ATP8A2: variants seen among roughly 807,000 people sequenced by gnomAD.
ATP8A2 encodes the protein ATPase phospholipid transporting 8A2, also known as phospholipid-transporting ATPase IB.
In ATP8A2, 100 loss-of-function variants were observed where a neutral mutation model predicts 165.6. The observed-to-expected ratio is 0.60, with a 90% CI of 0.51 to 0.71. The LOEUF (loss-of-function observed/expected upper bound fraction) is 0.71. Ranked by LOEUF, ATP8A2 falls within the 30% of genes least tolerant of loss-of-function variation. ATP8A2 has a pLI of 0.00. For synonymous variants in ATP8A2, 543 were observed against 548.8 expected (o/e 0.99, Z 0.15); for missense variants, 1,227 against 1,479.5 (o/e 0.83, Z 2.80).
intron 1 of ATP8A2, among the ~76,000 whole-genome samples, chr13:25,441,533 A>G (rs893831345): frequency 1.3e-5 from 2 of 152,166 alleles, no homozygotes; most frequent in Non-Finnish European, 2.9e-5. Context: ...TGGCCTCTCA[A>G]TTCATTCATT....
intron 2 of ATP8A2, among the ~76,000 whole-genome samples, chr13:25,520,446 A>G (rs1566214320): frequency 6.6e-6 from 1 of 152,192 alleles, no homozygotes; most frequent in African/African-American, 2.4e-5. Flanking sequence ...GGTTGATTCT[A>G]TATTTTGGCT....
rs1952326595 is a variant in ATP8A2, at chr13:25,860,796, T to G, written c.3019-8T>G. 3.8e-6 allele frequency: 6 copies of G among 1,588,326 alleles called. No homozygotes were observed. Among genetic ancestry groups the G allele is most frequent in the Non-Finnish European group, 5.2e-6 (6 of 1,163,704 alleles). ...AATGTGTTTCCAAACTGTCTTTTAT[T>G]TTCACAGTATGTTGTTGTTACTGTT... is the stretch of plus-strand genomic sequence containing the variant. On this transcript the variant is annotated splice_polypyrimidine_tract_variant and splice_region_variant and intron_variant, in intron 31 of 36. Coordinates refer to ENST00000381655, the MANE Select transcript of ATP8A2 (RefSeq NM_016529.6).
rs369319355 is a variant in ATP8A2, at chr13:25,434,534, A to AG, written c.77-34441dup. 1.3e-3 allele frequency among the ~76,000 whole-genome samples: 194 copies of AG among 151,828 alleles called. 1 individual carries two copies. Among genetic ancestry groups the AG allele is most frequent in the African/African-American group, 4.5e-3 (187 of 41,378 alleles). On this transcript the variant is annotated intron_variant, in intron 1 of 36. Transcript: ENST00000381655. ...TGGCTAATTTTTGTATTTTTAGTAG[A>AG]GGTAGGGTTTTGCCATGTTGGCCAG...
At chr13:25,476,376 T>G (rs1417106617) in intron 2 of ATP8A2, among the ~76,000 whole-genome samples, 1 of 151,860 alleles carries the variant, frequency 6.6e-6, no homozygotes, top group African/African-American at 2.4e-5. Flanking sequence ...AACCTTTGCC[T>G]CCTGGGTTCA....
chr13:25,742,592 G>A (rs931222672), intron 25 of ATP8A2, among the ~76,000 whole-genome samples: 2 of 148,922 alleles, frequency 1.3e-5, no homozygotes, highest in African/African-American at 4.9e-5. Flanking sequence ...GAGATAAATA[G>A]TATTCAGTCA....
In ATP8A2 at chr13:25,695,344, G is replaced by A. The variant is rs144017041; in HGVS notation, c.2212-3829G>A. On this transcript the variant is annotated intron_variant, in intron 24 of 36. Coordinates refer to ENST00000381655, the MANE Select transcript of ATP8A2 (RefSeq NM_016529.6). ...GGAGGGTCTTGCCATGACATTCATGGCTGCTGGCTGATCAAGGTGGTGGTT... is the reference window on the plus strand; with the variant it reads ...GGAGGGTCTTGCCATGACATTCATGACTGCTGGCTGATCAAGGTGGTGGTT... 1.8e-4 allele frequency among the ~76,000 whole-genome samples: 27 copies of A among 152,278 alleles called. No individual in the cohort carries two copies. The East Asian group carries it at 5.2e-3, about 29-fold the overall frequency.
chr13:25,813,759 G>C lies in ATP8A2; in HGVS notation c.2680-14359G>C, dbSNP rs566794197. On this transcript the variant is annotated intron_variant, in intron 27 of 36. Coordinates refer to ENST00000381655, the MANE Select transcript of ATP8A2 (RefSeq NM_016529.6). ...CAGGTATTTGGTCAACATTATTCTG[G>C]GTGTTTCTGTGAGGATGCTTTTGGA... Among the ~76,000 whole-genome samples the C allele has an allele frequency of 6.6e-5, 10 of 152,144 alleles. No individual in the cohort carries two copies. The East Asian group carries it at 9.6e-4, about 15-fold the overall frequency.
intron 16 of ATP8A2, 132 bp from the exon 17 acceptor site, chr13:25,570,635 A>G (rs1309549237): frequency 3.1e-6 from 2 of 645,190 alleles, no homozygotes; most frequent in Admixed American, 2.6e-5. Flanking sequence ...TCTGAGGTCC[A>G]TATTAAGGAC....
At chr13:25,643,544 A>G (rs1264030249) in intron 24 of ATP8A2, among the ~76,000 whole-genome samples, 2 of 151,918 alleles carry the variant, frequency 1.3e-5, no homozygotes, top group South Asian at 2.1e-4. Flanking sequence ...CCTTTTCCCT[A>G]TTTGTATTCT....
At chr13:25,898,270 T>C (rs1419587748) in intron 33 of ATP8A2, among the ~76,000 whole-genome samples, 17 of 152,212 alleles carry the variant, frequency 1.1e-4, no homozygotes. Context: ...TGCAGGTCTG[T>C]TGGAATTTAC....
intron 30 of ATP8A2, among the ~76,000 whole-genome samples, chr13:25,851,227 C>T (rs1951998597): frequency 6.6e-6 from 1 of 152,200 alleles, no homozygotes; most frequent in Admixed American, 6.5e-5. Flanking sequence ...GCTCAAATTA[C>T]CTTGTGTGTT....
intron 24 of ATP8A2, among the ~76,000 whole-genome samples, chr13:25,660,520 G>A (rs1250451781): frequency 3.3e-5 from 5 of 152,116 alleles, no homozygotes; most frequent in African/African-American, 7.2e-5. Flanking sequence ...AACTTTTTAC[G>A]AATGATGTTG....
intron 6 of ATP8A2, among the ~76,000 whole-genome samples, chr13:25,536,738 A>C (rs1174756956): frequency 2.6e-5 from 4 of 152,216 alleles, no homozygotes; most frequent in African/African-American, 9.6e-5. Flanking sequence ...CTATTACTGT[A>C]CTAGTAATGG....
chr13:25,886,602 C>T (rs948272993), intron 33 of ATP8A2, among the ~76,000 whole-genome samples: 6 of 152,158 alleles, frequency 3.9e-5, no homozygotes, highest in East Asian at 1.9e-4. Context: ...GCCGACAGCA[C>T]GAGGGGAAGC....
intron 2 of ATP8A2, among the ~76,000 whole-genome samples, chr13:25,484,934 C>T (rs1397190499): frequency 6.6e-6 from 1 of 152,204 alleles, no homozygotes; most frequent in Non-Finnish European, 1.5e-5. Context: ...CAAGCTCTGA[C>T]AGTTTAAAAA....
At chr13:25,930,269 T>C (rs1257753934) in intron 33 of ATP8A2, among the ~76,000 whole-genome samples, 1 of 152,228 alleles carries the variant, frequency 6.6e-6, no homozygotes, top group African/African-American at 2.4e-5. Context: ...TTTAATGATG[T>C]AGAATTATAC....
At chr13:25,623,059 C>T (rs1273808982) in intron 24 of ATP8A2, among the ~76,000 whole-genome samples, 3 of 151,978 alleles carry the variant, frequency 2.0e-5, no homozygotes, top group Admixed American at 2.0e-4. Flanking sequence ...TTAGAGGCAC[C>T]CTCACTTCAA....
At chr13:25,919,883 C>T (rs1203439284) in intron 33 of ATP8A2, among the ~76,000 whole-genome samples, 2 of 152,140 alleles carry the variant, frequency 1.3e-5, no homozygotes, top group Non-Finnish European at 2.9e-5. Context: ...AACTCCCACG[C>T]TCAGGCAGTG....
At chr13:25,385,046 C>T (rs1241394598) in intron 1 of ATP8A2, among the ~76,000 whole-genome samples, 1 of 152,166 alleles carries the variant, frequency 6.6e-6, no homozygotes, top group Non-Finnish European at 1.5e-5. Context: ...GTGGGGAAGC[C>T]GTCTCCAAAG....
Sources: allele counts gnomAD v4.1 joint callset (sites outside exome capture counted in the v4.1 genomes callset), GRCh38; gene constraint gnomAD v4.1.1; transcripts MANE v1.5; gene names NCBI Gene and HGNC (gene_info 2026-07-23, HGNC 2026-07-21).